Variants in MARCHF3 observed in about 807,000 individuals in gnomAD.
MARCHF3 encodes the protein membrane associated ring-CH-type finger 3.
A neutral mutation model predicts 24.2 loss-of-function variants in MARCHF3; 13 were observed. The ratio of observed to expected loss-of-function variants is 0.54; its 90% CI spans 0.35 to 0.85. The LOEUF is 0.85. Among genes scored for constraint, MARCHF3 ranks in the 40% least tolerant of loss-of-function variants. MARCHF3 has a pLI of 0.01. For synonymous variants in MARCHF3, 144 were observed against 137.3 expected, an observed-to-expected ratio of 1.05 and a Z score of -0.34; for missense variants, 276 against 325.0, an observed-to-expected ratio of 0.85 and a Z score of 1.16.
intron 1 of MARCHF3, among the ~76,000 whole-genome samples, chr5:126,953,188 G>A (rs1561444224): frequency 6.6e-6 from 1 of 151,486 alleles, no homozygotes; most frequent in East Asian, 1.9e-4. Flanking sequence ...TTTTCTTGTT[G>A]ACAAAAACAG....
intron 3 of MARCHF3, among the ~76,000 whole-genome samples, chr5:126,908,653 C>A (rs985330667): frequency 6.6e-6 from 1 of 151,750 alleles, no homozygotes; most frequent in Non-Finnish European, 1.5e-5. Flanking sequence ...TGCTCTCGAG[C>A]CTTGGTTTTC....
chr5:126,896,904 T>C (rs993018261), intron 3 of MARCHF3, among the ~76,000 whole-genome samples: 5 of 152,052 alleles, frequency 3.3e-5, no homozygotes, highest in African/African-American at 1.2e-4. Context: ...TGTGTCTATT[T>C]TGGGGGAGAC....
At chr5:126,938,551 C>CAAAAAAA (rs780942587) in intron 1 of MARCHF3, among the ~76,000 whole-genome samples, 1 of 130,560 alleles carries the variant, frequency 7.7e-6, no homozygotes, top group Non-Finnish European at 1.7e-5. Context: ...GCAAAAAAAG[C>CAAAAAAA]AAAAAAAAAA....
chr5:127,017,761 A>G (rs1341837957), intron 1 of MARCHF3, among the ~76,000 whole-genome samples: 1 of 152,254 alleles, frequency 6.6e-6, no homozygotes, highest in Non-Finnish European at 1.5e-5. Flanking sequence ...ATAAGCTTAT[A>G]TCAAAGAACT....
At chr5:126,920,291 A>C (rs1393848298) in intron 1 of MARCHF3, among the ~76,000 whole-genome samples, 1 of 152,156 alleles carries the variant, frequency 6.6e-6, no homozygotes, top group African/African-American at 2.4e-5. Flanking sequence ...AAAAACAAAG[A>C]GATGTTAAAA....
At chr5:126,885,428 G>A (rs765148661) in intron 3 of MARCHF3, among the ~76,000 whole-genome samples, 5 of 152,086 alleles carry the variant, frequency 3.3e-5, no homozygotes, top group East Asian at 1.9e-4. Flanking sequence ...TGATCCAGGC[G>A]TGGTGGTGCA....
intron 1 of MARCHF3, among the ~76,000 whole-genome samples, chr5:126,928,866 C>A (rs1749387437): frequency 2.0e-5 from 3 of 152,146 alleles, no homozygotes; most frequent in African/African-American, 7.2e-5. Flanking sequence ...AGAAATCAGT[C>A]ATTTCACCCC....
In MARCHF3 at chr5:126,869,371, T is replaced by G. The variant is rs945254199; in HGVS notation, c.*1262A>C. ...CAGCCAGCGCTCTCCTCAGAAGACA[T>G]CCGCTCCTGCCTCGGTGCGCGCACA... On this transcript the variant is annotated 3_prime_UTR_variant, in exon 5 of 5. Coordinates refer to ENST00000308660, the MANE Select transcript of MARCHF3 (RefSeq NM_178450.5). 2.0e-5 allele frequency: 3 copies of G among 152,160 alleles called. No homozygotes were observed. The highest frequency in any genetic ancestry group is 7.2e-5 in the African/African-American group (3 of 41,440). 9.4% of individuals were successfully genotyped at this position (152,160 alleles called of 1,614,324 possible).
intron 1 of MARCHF3, among the ~76,000 whole-genome samples, chr5:126,926,695 G>C (rs1749308140): frequency 6.6e-6 from 1 of 152,050 alleles, no homozygotes. Flanking sequence ...CTGGTTTTGG[G>C]TCAGGGAGTC....
chr5:126,874,586 C>T (rs79925376), intron 4 of MARCHF3, among the ~76,000 whole-genome samples: 2 of 85,598 alleles, frequency 2.3e-5, no homozygotes, highest in Non-Finnish European at 5.5e-5. Context: ...AACTCCCTCT[C>T]AAAAAAAAAA....
At chr5:126,951,001 C>G (rs1179728114) in intron 1 of MARCHF3, among the ~76,000 whole-genome samples, 1 of 152,188 alleles carries the variant, frequency 6.6e-6, no homozygotes, top group Non-Finnish European at 1.5e-5. Flanking sequence ...CAGTTTCCTT[C>G]TATACCTTTC....
chr5:126,993,735 T>C (rs1751853715), intron 1 of MARCHF3, among the ~76,000 whole-genome samples: 1 of 152,182 alleles, frequency 6.6e-6, no homozygotes, highest in Non-Finnish European at 1.5e-5. Context: ...TGGGATGGCG[T>C]CTACATCTCC....
intron 1 of MARCHF3, among the ~76,000 whole-genome samples, chr5:126,977,069 A>G (rs1162678544): frequency 6.6e-6 from 1 of 152,194 alleles, no homozygotes; most frequent in African/African-American, 2.4e-5. Context: ...TGTCCACCCA[A>G]CATAATCAGC....
intron 1 of MARCHF3, among the ~76,000 whole-genome samples, chr5:127,004,923 A>G (rs1359502218): frequency 6.6e-6 from 1 of 152,080 alleles, no homozygotes; most frequent in African/African-American, 2.4e-5. Flanking sequence ...GTCCAGCACA[A>G]TGCCCTCACA....
At chr5:126,960,143 C>T (rs1385651059) in intron 1 of MARCHF3, among the ~76,000 whole-genome samples, 12 of 152,130 alleles carry the variant, frequency 7.9e-5, no homozygotes, top group Non-Finnish European at 1.3e-4. Flanking sequence ...CCAGCAAGAA[C>T]GTGACTTTCT....
At chr5:126,996,008 A>G (rs1247872190) in intron 1 of MARCHF3, among the ~76,000 whole-genome samples, 2 of 152,262 alleles carry the variant, frequency 1.3e-5, no homozygotes, top group African/African-American at 4.8e-5. Flanking sequence ...GAGACTCCAG[A>G]CATTCCAGGC....
intron 1 of MARCHF3, among the ~76,000 whole-genome samples, chr5:127,019,326 C>T (rs1013803861): frequency 2.6e-5 from 4 of 152,094 alleles, no homozygotes; most frequent in African/African-American, 9.7e-5. Context: ...AACATCTACC[C>T]CCCTACCCCA....
At chr5:126,914,430 CA>C (rs1754646499) in intron 3 of MARCHF3, among the ~76,000 whole-genome samples, 1 of 151,878 alleles carries the variant, frequency 6.6e-6, no homozygotes, top group Admixed American at 6.6e-5. Flanking sequence ...ATAGTAATTC[CA>C]AAAGGTAAAG....
At chr5:127,005,106 C>G (rs1379137071) in intron 1 of MARCHF3, among the ~76,000 whole-genome samples, 5 of 151,228 alleles carry the variant, frequency 3.3e-5, no homozygotes, top group Admixed American at 1.3e-4. Flanking sequence ...AGACCAAAGC[C>G]TGGAATGACA....
Sources: allele counts gnomAD v4.1 joint callset (sites outside exome capture counted in the v4.1 genomes callset), GRCh38; gene constraint gnomAD v4.1.1; transcripts MANE v1.5; gene names NCBI Gene and HGNC (gene_info 2026-07-23, HGNC 2026-07-21).